PHLDB2: variants seen among roughly 807,000 people sequenced by gnomAD.
PHLDB2 encodes pleckstrin homology-like domain family B member 2.
PHLDB2 carries 71 observed loss-of-function variants against 123.6 expected under a neutral mutation model. The observed-to-expected ratio is 0.57, with a 90% CI of 0.47 to 0.70. The LOEUF is 0.70. Among genes scored for constraint, PHLDB2 ranks in the 30% least tolerant of loss-of-function variants. PHLDB2 has a pLI of 0.00. For missense variants in PHLDB2, 1,446 were observed against 1,519.5 expected (o/e 0.95, Z 0.80); for synonymous variants, 547 against 541.6 (o/e 1.01, Z -0.14).
At chr3:111,851,583 A>G (rs1445146221) in intron 2 of PHLDB2, among the ~76,000 whole-genome samples, 2 of 152,182 alleles carry the variant, frequency 1.3e-5, no homozygotes, top group African/African-American at 2.4e-5. Context: ...CAGGAAGTAG[A>G]GTGCGGCTTT....
At chr3:111,768,425 A>T (rs750802312) in intron 1 of PHLDB2, among the ~76,000 whole-genome samples, 10 of 152,184 alleles carry the variant, frequency 6.6e-5, no homozygotes, top group Non-Finnish European at 1.5e-4. Context: ...GGGTGTGTAG[A>T]GGAGAAAAAT....
chr3:111,914,465 A>ATG (rs1156825535), intron 3 of PHLDB2: 79 of 152,304 alleles, frequency 5.2e-4, no homozygotes, highest in Middle Eastern at 6.8e-3. Context: ...TGTTCTCCAT[A>ATG]CACTTGCCAA....
intron 1 of PHLDB2, among the ~76,000 whole-genome samples, chr3:111,762,332 T>A (rs1054879319): frequency 2.0e-5 from 3 of 151,934 alleles, no homozygotes; most frequent in Non-Finnish European, 2.9e-5. Context: ...ACTATATGTA[T>A]TATTTAATTA....
chr3:111,964,933 A>C (rs759418521), intron 13 of PHLDB2, among the ~76,000 whole-genome samples: 61 of 152,178 alleles, frequency 4.0e-4, no homozygotes, highest in Non-Finnish European at 7.1e-4. Flanking sequence ...TTTCAAATTA[A>C]TGAGAGATAT....
chr3:111,838,349 A>C (rs1232768156), intron 1 of PHLDB2, among the ~76,000 whole-genome samples: 1 of 152,048 alleles, frequency 6.6e-6, no homozygotes, highest in Non-Finnish European at 1.5e-5. Context: ...TGCCTCTGGC[A>C]ACCTAGAAGA....
intron 1 of PHLDB2, among the ~76,000 whole-genome samples, chr3:111,819,152 C>T (rs1470244447): frequency 6.6e-6 from 1 of 151,894 alleles, no homozygotes; most frequent in Admixed American, 6.6e-5. Flanking sequence ...TATGAGGGCA[C>T]TCTTTTCATC....
chr3:111,875,960 A>G (rs554743781), intron 1 of PHLDB2, among the ~76,000 whole-genome samples: 1 of 152,262 alleles, frequency 6.6e-6, no homozygotes, highest in Admixed American at 6.5e-5. Context: ...AATGTAGAAA[A>G]TATGAACTAG....
chr3:111,920,857 T>C (rs1025038984), intron 5 of PHLDB2, among the ~76,000 whole-genome samples: 1 of 152,256 alleles, frequency 6.6e-6, no homozygotes, highest in Non-Finnish European at 1.5e-5. Context: ...TTTTTCTGTT[T>C]ATTAAACAGA....
chr3:111,746,907 G>A (rs1236420914), intron 1 of PHLDB2, among the ~76,000 whole-genome samples: 1 of 152,238 alleles, frequency 6.6e-6, no homozygotes, highest in African/African-American at 2.4e-5. Flanking sequence ...AAATTAACTG[G>A]TTCTCACTTC....
intron 1 of PHLDB2, among the ~76,000 whole-genome samples, chr3:111,813,544 CTG>C (rs1216217108): frequency 6.6e-6 from 1 of 151,988 alleles, no homozygotes; most frequent in African/African-American, 2.4e-5. Context: ...AATGTTATAA[CTG>C]AAAGTCTAAA....
At chr3:111,858,004 C>A (rs371232667), upstream of PHLDB2, among the ~76,000 whole-genome samples, 1 of 152,166 alleles carries the variant, frequency 6.6e-6, no homozygotes, top group Non-Finnish European at 1.5e-5. Flanking sequence ...CACATACAAA[C>A]GTATGTTTAT....
intron 3 of PHLDB2, among the ~76,000 whole-genome samples, chr3:111,917,930 A>G (rs773513482): frequency 2.0e-5 from 3 of 152,192 alleles, no homozygotes; most frequent in Non-Finnish European, 4.4e-5. Flanking sequence ...CAAATATTCA[A>G]TAATTTACTC....
intron 2 of PHLDB2, among the ~76,000 whole-genome samples, chr3:111,894,252 G>T (rs1252312713): frequency 1.3e-5 from 2 of 151,966 alleles, no homozygotes; most frequent in South Asian, 4.2e-4. Flanking sequence ...ATCATTTTTT[G>T]TGGCTGCATA....
At chr3:111,910,276 G>GA (rs1195496784) in intron 2 of PHLDB2, among the ~76,000 whole-genome samples, 4 of 151,814 alleles carry the variant, frequency 2.6e-5, no homozygotes, top group African/African-American at 9.7e-5. Flanking sequence ...TGGGAATGGC[G>GA]AAAAAAATAA....
At chr3:111,853,902 A>G (rs1409551313) in intron 2 of PHLDB2, among the ~76,000 whole-genome samples, 1 of 152,144 alleles carries the variant, frequency 6.6e-6, no homozygotes, top group African/African-American at 2.4e-5. Context: ...CTTACTTTTC[A>G]GAATAGAAGT....
chr3:111,892,252 C>T (rs773061590), intron 2 of PHLDB2, among the ~76,000 whole-genome samples: 2 of 152,136 alleles, frequency 1.3e-5, no homozygotes, highest in South Asian at 2.1e-4. Context: ...GGTAGTTATG[C>T]GAATAGGTGA....
chr3:111,861,987 G>A (rs1464206513), intron 1 of PHLDB2, among the ~76,000 whole-genome samples: 3 of 151,912 alleles, frequency 2.0e-5, no homozygotes, highest in Non-Finnish European at 2.9e-5. Context: ...GATTACAGGC[G>A]CCTGCCACCA....
chr3:111,968,709 C>CA (rs2071970988), intron 15 of PHLDB2, among the ~76,000 whole-genome samples: 1 of 152,162 alleles, frequency 6.6e-6, no homozygotes, highest in Non-Finnish European at 1.5e-5. Flanking sequence ...GCATCTGTTA[C>CA]AACCAAAGTA....
At chr3:111,766,278 A>C (rs2060078539) in intron 1 of PHLDB2, among the ~76,000 whole-genome samples, 1 of 127,680 alleles carries the variant, frequency 7.8e-6, no homozygotes, top group Non-Finnish European at 1.9e-5. Context: ...CCGTCTCTAC[A>C]ACAACAACAA....
Sources: allele counts gnomAD v4.1 joint callset (sites outside exome capture counted in the v4.1 genomes callset), GRCh38; gene constraint gnomAD v4.1.1; transcripts MANE v1.5; gene names NCBI Gene and HGNC (gene_info 2026-07-23, HGNC 2026-07-21).